Variants in JARID2 observed in about 807,000 individuals in gnomAD.
JARID2 encodes the protein protein Jumonji.
A neutral mutation model predicts 125.6 loss-of-function variants in JARID2; 21 were observed. That is an observed-to-expected ratio of 0.17 (90% CI 0.12 to 0.24). The LOEUF (loss-of-function observed/expected upper bound fraction) is 0.24, where lower values mean the gene tolerates loss of function less well. Ranked by LOEUF, JARID2 falls within the 10% of genes least tolerant of loss-of-function variation. The pLI is 1.00. For synonymous variants in JARID2, 736 were observed against 661.6 expected (o/e 1.11, Z -1.73); for missense variants, 1,303 against 1,639.6 (o/e 0.79, Z 3.55).
intron 1 of JARID2, among the ~76,000 whole-genome samples, chr6:15,325,453 C>T (rs1762507774): frequency 6.6e-6 from 1 of 152,188 alleles, no homozygotes; most frequent in African/African-American, 2.4e-5. Flanking sequence ...TGAACATTCA[C>T]AGCTTGTCCT....
intron 13 of JARID2, 92 bp downstream of exon 13, chr6:15,511,493 A>G (rs965942146): frequency 8.3e-6 from 7 of 842,206 alleles, no homozygotes; most frequent in Non-Finnish European, 1.2e-5. Context: ...TTCAAAGGCA[A>G]TGAGGACACA....
chr6:15,344,093 A>G (rs1172042094), intron 1 of JARID2, among the ~76,000 whole-genome samples: 1 of 132,388 alleles, frequency 7.6e-6, no homozygotes, highest in Non-Finnish European at 1.6e-5. Context: ...TTTACTTGGG[A>G]GTATGTAGTG....
rs1240260518 is a variant in JARID2 at position 15,452,125 on chromosome 6, C to G, written c.443C>G (p.Ser148Cys). ...PPPATQISDL[S>C]KRKPKTEDFL... ...CCAGCTACTCAGATATCAGACCTCTCTAAAAGGAAGCCTAAGACAGAAGAT... is the reference window on the plus strand; with the variant it reads ...CCAGCTACTCAGATATCAGACCTCTGTAAAAGGAAGCCTAAGACAGAAGAT... Residue 148 changes from serine to cysteine, a missense_variant, in exon 4 of 18, where the codon TCT (serine) becomes TGT (cysteine). Ser to Cys is a moderately radical substitution (Grantham distance 112). This residue lies in a region of JARID2 where 42 missense variants were observed against 35.7 expected (regional missense o/e 1.18). Transcript: ENST00000341776. 5 of 1,614,110 alleles carry G rather than the reference C, an allele frequency of 3.1e-6. No homozygotes were observed. In the South Asian group the frequency reaches 3.3e-5, roughly 11 times the overall value.
intron 1 of JARID2, among the ~76,000 whole-genome samples, chr6:15,306,669 GTTTAT>G (rs764046749): frequency 1.1e-4 from 16 of 151,624 alleles, no homozygotes; most frequent in Admixed American, 1.3e-4. Flanking sequence ...GGATCATACT[GTTTAT>G]TTAGTCCACA....
chr6:15,454,541 A>G (rs956772674), intron 4 of JARID2, among the ~76,000 whole-genome samples: 1 of 152,152 alleles, frequency 6.6e-6, no homozygotes, highest in African/African-American at 2.4e-5. Context: ...GCAGTGGCAC[A>G]GTCATGGCTC....
chr6:15,404,855 G>A (rs1765585916), intron 2 of JARID2, among the ~76,000 whole-genome samples: 1 of 152,132 alleles, frequency 6.6e-6, no homozygotes, highest in Admixed American at 6.5e-5. Context: ...CTGCTTTTGT[G>A]GAATAGAGCC....
intron 4 of JARID2, among the ~76,000 whole-genome samples, chr6:15,460,415 C>A (rs753387643): frequency 6.6e-6 from 1 of 152,204 alleles, no homozygotes; most frequent in Non-Finnish European, 1.5e-5. Flanking sequence ...AGAGTCATCT[C>A]TGGCCTTCTC....
At chr6:15,510,650 G>C (rs566763021) in intron 12 of JARID2, among the ~76,000 whole-genome samples, 1 of 152,196 alleles carries the variant, frequency 6.6e-6, no homozygotes, top group Non-Finnish European at 1.5e-5. Context: ...TGCCGGGTAG[G>C]CTGGGTCCTA....
intron 1 of JARID2, among the ~76,000 whole-genome samples, chr6:15,317,469 C>T (rs1581405277): frequency 6.6e-6 from 1 of 152,064 alleles, no homozygotes; most frequent in South Asian, 2.1e-4. Flanking sequence ...AGAGTAATTT[C>T]CCCCAAAACT....
chr6:15,300,201 G>C (rs1250261056), intron 1 of JARID2, among the ~76,000 whole-genome samples: 2 of 152,180 alleles, frequency 1.3e-5, no homozygotes, highest in Non-Finnish European at 1.5e-5. Context: ...AAGGTTGGAT[G>C]GGTGTTCTGT....
intron 1 of JARID2, among the ~76,000 whole-genome samples, chr6:15,356,388 G>A (rs1448787404): frequency 1.3e-5 from 2 of 152,070 alleles, no homozygotes; most frequent in African/African-American, 2.4e-5. Flanking sequence ...GAGGTTTCCC[G>A]TTTCTTCATC....
intron 4 of JARID2, among the ~76,000 whole-genome samples, chr6:15,458,818 A>G (rs1376147906): frequency 6.6e-6 from 1 of 152,232 alleles, no homozygotes; most frequent in Non-Finnish European, 1.5e-5. Flanking sequence ...GGGGTTCTGC[A>G]GAAGCAACTG....
At chr6:15,382,125 T>TGGTG (rs1764612433) in intron 2 of JARID2, among the ~76,000 whole-genome samples, 1 of 152,124 alleles carries the variant, frequency 6.6e-6, no homozygotes, top group Non-Finnish European at 1.5e-5. Context: ...TAGCCAGTCA[T>TGGTG]GGTGGCGCAC....
At chr6:15,448,636 G>A (rs183362968) in intron 3 of JARID2, among the ~76,000 whole-genome samples, 2 of 152,232 alleles carry the variant, frequency 1.3e-5, no homozygotes, top group Admixed American at 6.5e-5. Context: ...TTCTAAATAT[G>A]GCACAACATT....
rs1325811018 is a variant in JARID2, at chr6:15,521,137, G to C, written c.*886G>C. On this transcript the variant is annotated 3_prime_UTR_variant, in exon 18 of 18. Coordinates refer to ENST00000341776, the MANE Select transcript of JARID2 (RefSeq NM_004973.4). ...CCGTAAGTGCTTCTTTGTCATCGAC[G>C]TGCAATCTTTCTAACATTCCATCTC... 1 of 164,114 alleles carries C rather than the reference G, an allele frequency of 6.1e-6. No homozygotes were observed. The highest frequency in any genetic ancestry group is 1.3e-5 in the Non-Finnish European group (1 of 76,132). The allele number at this position is 164,114 out of a possible 1,614,324, so 10.2% of individuals were successfully genotyped here.
At chr6:15,406,151 C>T (rs535120607) in intron 2 of JARID2, among the ~76,000 whole-genome samples, 55 of 152,230 alleles carry the variant, frequency 3.6e-4, no homozygotes, top group African/African-American at 1.0e-3. Context: ...AATCTATGGT[C>T]CTGGCCAGGC....
At chr6:15,383,106 A>G (rs1250741256) in intron 2 of JARID2, among the ~76,000 whole-genome samples, 3 of 152,010 alleles carry the variant, frequency 2.0e-5, no homozygotes, top group South Asian at 2.1e-4. Flanking sequence ...GCCAGTTTTT[A>G]TAGGAGTTCA....
chr6:15,372,866 G>A (rs939995587), intron 1 of JARID2, among the ~76,000 whole-genome samples: 6 of 151,948 alleles, frequency 3.9e-5, no homozygotes, highest in Admixed American at 3.3e-4. Context: ...GTGCCACCAC[G>A]CCTGGCTAGT....
intron 1 of JARID2, among the ~76,000 whole-genome samples, chr6:15,373,423 C>G (rs1026266767): frequency 6.6e-6 from 1 of 152,170 alleles, no homozygotes; most frequent in Non-Finnish European, 1.5e-5. Context: ...TGTATTCGTT[C>G]TGGAGCAACA....
Sources: gnomAD v4.1 joint callset for allele counts (sites outside exome capture counted in the v4.1 genomes callset) on GRCh38, gnomAD v4.1.1 for gene constraint, gnomAD v4.1.1 regional missense constraint, MANE v1.5 for transcripts, NCBI Gene and HGNC (gene_info 2026-07-23, HGNC 2026-07-21) for gene names.